Variants in EPHB2 observed in about 807,000 individuals in gnomAD.
EPHB2 encodes EPH receptor B2.
A neutral mutation model predicts 96.4 loss-of-function variants in EPHB2; 18 were observed. The observed-to-expected ratio is 0.19, with a 90% confidence interval of 0.13 to 0.28. The LOEUF is 0.28. Among genes scored for constraint, EPHB2 ranks in the 10% least tolerant of loss-of-function variants. The pLI, the probability that EPHB2 is intolerant of heterozygous loss-of-function variation, is 1.00. For synonymous variants in EPHB2, 506 were observed against 534.1 expected, an observed-to-expected ratio of 0.95 and a Z score of 0.72; for missense variants, 989 against 1,355.4, an observed-to-expected ratio of 0.73 and a Z score of 4.25.
In EPHB2 at chr1:22,860,867, G is replaced by A. The variant is rs1236430911; in HGVS notation, c.812-2170G>A. Among the ~76,000 whole-genome samples the A allele has an allele frequency of 6.6e-6, 1 of 152,152 alleles. No homozygotes were observed. Among genetic ancestry groups the A allele is most frequent in the East Asian group, 1.9e-4 (1 of 5,178 alleles). ...GCCCAGAAGCTCTGGGCAGTGCCAA[G>A]ATGGTGAGGCTGCCCCTTCATCCAG... On this transcript the variant is annotated intron_variant, in intron 3 of 15. Coordinates refer to ENST00000374630, the MANE Select transcript of EPHB2 (RefSeq NM_017449.5). The surrounding 1 kb of genome is among the most constrained non-coding windows in gnomAD (Gnocchi z 4.6).
Position 22,763,399 on chromosome 1 carries a change from C to A in EPHB2, c.62-18022C>A, listed in dbSNP as rs1035668280. Among the ~76,000 whole-genome samples, 11 of 152,308 alleles carry A rather than the reference C, an allele frequency of 7.2e-5. No individual in the cohort carries two copies. The East Asian group carries it at 1.9e-3, about 27-fold the overall frequency. ...CCCATCCCTCCAGGACAGAAACTTG[C>A]TGGGCCCACCAGGGCCCAGTCACAC... is the stretch of plus-strand genomic sequence containing the variant. On this transcript the variant is annotated intron_variant, in intron 1 of 15. Transcript: ENST00000374630.
At chr1:22,866,070 G>A (rs1638465166) in intron 5 of EPHB2, among the ~76,000 whole-genome samples, 1 of 152,056 alleles carries the variant, frequency 6.6e-6, no homozygotes, top group Non-Finnish European at 1.5e-5. Flanking sequence ...AGTGTCATAG[G>A]AGGCTAAGTC....
intron 3 of EPHB2, among the ~76,000 whole-genome samples, chr1:22,821,291 A>C (rs1213641458): frequency 2.0e-5 from 3 of 152,270 alleles, no homozygotes; most frequent in African/African-American, 7.2e-5. Flanking sequence ...AGGAAGCATA[A>C]GCTTGATTCT....
At chr1:22,864,803 C>T (rs1037139912) in intron 4 of EPHB2, 74 bp from the exon 5 acceptor site, 45 of 950,614 alleles carry the variant, frequency 4.7e-5, no homozygotes, top group South Asian at 4.2e-4. Context: ...GCCAGAGCAG[C>T]GGGCACAGAG....
chr1:22,863,341 TC>T, intron 4 of EPHB2, 149 bp downstream of exon 4: 1 of 1,334,108 alleles, frequency 7.5e-7, no homozygotes, highest in Non-Finnish European at 1.0e-6. Flanking sequence ...GAAAGGGGCA[TC>T]CTGGGGTGGC....
At chr1:22,843,390 A>T (rs1365523096) in intron 3 of EPHB2, among the ~76,000 whole-genome samples, 2 of 152,298 alleles carry the variant, frequency 1.3e-5, no homozygotes, top group East Asian at 3.9e-4. Context: ...AAGATTTGTC[A>T]TATAGATAAA....
At chr1:22,785,971 C>A (rs1163156685) in intron 3 of EPHB2, among the ~76,000 whole-genome samples, 1 of 152,202 alleles carries the variant, frequency 6.6e-6, no homozygotes, top group African/African-American at 2.4e-5. Context: ...TCTTAACCAC[C>A]ATGCCACACT....
intron 3 of EPHB2, among the ~76,000 whole-genome samples, chr1:22,813,485 G>A (rs565408438): frequency 6.6e-6 from 1 of 152,322 alleles, no homozygotes; most frequent in East Asian, 1.9e-4. Flanking sequence ...CCTTGTGGGA[G>A]CACAAAGGGC....
chr1:22,739,326 G>A (rs1446766057), intron 1 of EPHB2, among the ~76,000 whole-genome samples: 5 of 151,902 alleles, frequency 3.3e-5, no homozygotes, highest in African/African-American at 4.8e-5. Context: ...AGCGATTCTC[G>A]TGCCTTAGAC....
intron 11 of EPHB2, among the ~76,000 whole-genome samples, chr1:22,907,258 C>T (rs1173366790): frequency 6.6e-6 from 1 of 152,178 alleles, no homozygotes; most frequent in African/African-American, 2.4e-5. Flanking sequence ...TGCTCTTAGC[C>T]AGCCTTCTCA....
intron 5 of EPHB2, among the ~76,000 whole-genome samples, chr1:22,874,676 C>A (rs1197050392): frequency 6.6e-6 from 1 of 152,142 alleles, no homozygotes; most frequent in Non-Finnish European, 1.5e-5. Context: ...GACGAAGGGG[C>A]CTGGCACTGG....
chr1:22,909,305 G>A, intron 13 of EPHB2, 134 bp downstream of exon 13: 1 of 1,406,664 alleles, frequency 7.1e-7, no homozygotes, highest in East Asian at 2.4e-5. Flanking sequence ...TGGCTCCCAG[G>A]GCAGCTGCCA....
intron 5 of EPHB2, among the ~76,000 whole-genome samples, chr1:22,867,228 CAT>C (rs1336612353): frequency 6.6e-6 from 1 of 152,208 alleles, no homozygotes; most frequent in African/African-American, 2.4e-5. Flanking sequence ...AGTGTGCTGT[CAT>C]ATGTGTTTGG....
chr1:22,884,510 C>T (rs921892440), intron 6 of EPHB2, among the ~76,000 whole-genome samples: 1 of 151,538 alleles, frequency 6.6e-6, no homozygotes, highest in African/African-American at 2.4e-5. Flanking sequence ...ATCCCAGCTA[C>T]TCAGGAAGCT....
chr1:22,768,674 A>G (rs1644337962), intron 1 of EPHB2, among the ~76,000 whole-genome samples: 1 of 151,286 alleles, frequency 6.6e-6, no homozygotes, highest in African/African-American at 2.4e-5. Flanking sequence ...TAGGTAACAG[A>G]GAGAGATCCT....
chr1:22,819,512 C>G (rs1645123368), intron 3 of EPHB2, among the ~76,000 whole-genome samples: 1 of 152,126 alleles, frequency 6.6e-6, no homozygotes, highest in Non-Finnish European at 1.5e-5. Context: ...CACCATGAGT[C>G]AAACCAAGTT....
Position 22,906,700 on chromosome 1 carries a change from T to C in EPHB2, c.1889-10T>C, listed in dbSNP as rs1036013704. The C allele has an allele frequency of 3.1e-6, 5 of 1,613,938 alleles. No individual in the cohort carries two copies. In the African/African-American group the frequency reaches 6.7e-5, roughly 22 times the overall value. ...GTGACATCCTGTCTGTCTTGGTGTT[T>C]CTCTCTCAGGGGAGTTTGGCGAGGT... On this transcript the variant is annotated splice_polypyrimidine_tract_variant and intron_variant, in intron 10 of 15. Transcript: ENST00000374630. This position sits in a 1 kb window ranked among gnomAD's most constrained non-coding sequence, Gnocchi z 4.8.
chr1:22,748,028 C>T (rs1011909472), intron 1 of EPHB2, among the ~76,000 whole-genome samples: 1 of 152,216 alleles, frequency 6.6e-6, no homozygotes. Context: ...GACTCTAGAA[C>T]TGAATTTCCT....
chr1:22,891,759 G>T (rs1639394897), intron 6 of EPHB2, among the ~76,000 whole-genome samples: 1 of 151,816 alleles, frequency 6.6e-6, no homozygotes, highest in Admixed American at 6.6e-5. Flanking sequence ...TTAGATAGAG[G>T]TGGCTCCATG....
Sources: allele counts gnomAD v4.1 joint callset (sites outside exome capture counted in the v4.1 genomes callset), GRCh38; gene constraint gnomAD v4.1.1; non-coding constraint Gnocchi (gnomAD v3.1); transcripts MANE v1.5; gene names NCBI Gene and HGNC (gene_info 2026-07-23, HGNC 2026-07-21).